The following MOGAT3 variants were observed in gnomAD, a reference collection of about 807,000 sequenced individuals.
MOGAT3 encodes monoacylglycerol O-acyltransferase 3, also known as 2-acylglycerol O-acyltransferase 3.
A neutral mutation model predicts 34.4 loss-of-function variants in MOGAT3; 39 were observed. The observed-to-expected ratio is 1.13, with a 90% CI of 0.88 to 1.48. The LOEUF (loss-of-function observed/expected upper bound fraction) is 1.48, where lower values mean the gene tolerates loss of function less well. Among genes scored for constraint, MOGAT3 ranks in the 40% most tolerant of loss-of-function variants. MOGAT3 has a pLI of 0.00. For missense variants in MOGAT3, 439 were observed against 438.9 expected (o/e 1.00, Z 0.00); for synonymous variants, 209 against 179.2 (o/e 1.17, Z -1.33).
rs373904240 is a variant in MOGAT3 at position 101,198,730 on chromosome 7, T to C, written c.389A>G (p.Glu130Gly). The C allele has an allele frequency of 6.2e-7, 1 of 1,613,718 alleles. No homozygotes were observed. The highest frequency in any genetic ancestry group is 8.5e-7 in the Non-Finnish European group (1 of 1,180,010). Reference sequence around the variant, plus strand: ...GAAGAGCTGGGAGAAGCCATTGCTCTCGGTGGAGAAATTACAGAGGAAGCC... The same window carrying C: ...GAAGAGCTGGGAGAAGCCATTGCTCCCGGTGGAGAAATTACAGAGGAAGCC... ...CTGFLCNFST[E>G]SNGFSQLFPG... The change falls in exon 4 of 7, where the codon GAG (glutamate) becomes GGG (glycine). Residue 130 changes from glutamate to glycine, a missense_variant. By Grantham distance (98) the Glu-to-Gly change is moderately conservative. Coordinates refer to ENST00000223114, the MANE Select transcript of MOGAT3 (RefSeq NM_178176.4).
downstream of MOGAT3, among the ~76,000 whole-genome samples, chr7:101,194,025 G>A (rs1288119235): frequency 2.0e-5 from 3 of 151,462 alleles, no homozygotes; most frequent in Admixed American, 6.6e-5. Context: ...GACGGGTCTC[G>A]CTTCGTTACC....
intron 5 of MOGAT3, 63 bp downstream of exon 5, chr7:101,198,128 G>T: frequency 6.5e-7 from 1 of 1,540,320 alleles, no homozygotes; most frequent in South Asian, 1.2e-5. Context: ...CTAGATGTCT[G>T]GGGACTGAGA....
Position 101,200,738 on chromosome 7 carries a change from G to A in MOGAT3, c.109+8C>T, listed in dbSNP as rs1463643853. 1.2e-6 allele frequency: 2 copies of A among 1,611,028 alleles called. No individual in the cohort carries two copies. The highest frequency in any genetic ancestry group is 2.2e-5 in the East Asian group (1 of 44,866). ...GACCCCAGGCACCCACGCCTCCCCA[G>A]CTCTCACCCATGAAGAGGAAAGTGA... On this transcript the variant is annotated splice_region_variant and intron_variant, in intron 1 of 6. Coordinates refer to ENST00000223114, the MANE Select transcript of MOGAT3 (RefSeq NM_178176.4).
chr7:101,194,262 A>G (rs1262714326), downstream of MOGAT3, among the ~76,000 whole-genome samples: 2 of 151,580 alleles, frequency 1.3e-5, no homozygotes, highest in African/African-American at 4.9e-5. Context: ...ATCTTGGCTC[A>G]ACACAACCTC....
At position 101,200,728 on chromosome 7, in the gene MOGAT3, C is replaced by A. The variant is rs368413360; in HGVS notation, c.109+18G>T. On this transcript the variant is annotated intron_variant, in intron 1 of 6. Coordinates refer to ENST00000223114, the MANE Select transcript of MOGAT3 (RefSeq NM_178176.4). ...TCCCCTGGCAGACCCCAGGCACCCA[C>A]GCCTCCCCAGCTCTCACCCATGAAG... The A allele has an allele frequency of 6.2e-7, 1 of 1,605,714 alleles. No individual in the cohort carries two copies. Among genetic ancestry groups the A allele is most frequent in the Non-Finnish European group, 8.5e-7 (1 of 1,173,422 alleles).
intron 3 of MOGAT3, 38 bp downstream of exon 3, chr7:101,200,196 G>A (rs1797915091): frequency 6.4e-7 from 1 of 1,559,816 alleles, no homozygotes; most frequent in African/African-American, 1.4e-5. Flanking sequence ...GAGATGGGGA[G>A]AGGTAGGAAG....
intron 6 of MOGAT3, 43 bp downstream of exon 6, chr7:101,196,144 C>T (rs760186805): frequency 6.3e-7 from 1 of 1,577,702 alleles, no homozygotes; most frequent in Non-Finnish European, 8.6e-7. Flanking sequence ...CCCTGATGCC[C>T]ACGCAGCTGC....
Position 101,198,732 on chromosome 7 carries a change from G to A in MOGAT3, c.387C>T (p.Thr129=). 2 of 1,613,894 alleles carry A rather than the reference G, an allele frequency of 1.2e-6. No homozygotes were observed. Among genetic ancestry groups the A allele is most frequent in the Admixed American group, 1.7e-5 (1 of 60,008 alleles). Residue 129 remains threonine (T), a synonymous_variant, in exon 4 of 7, where the codon ACC becomes ACT. Transcript: ENST00000223114. ...AGAGCTGGGAGAAGCCATTGCTCTC[G>A]GTGGAGAAATTACAGAGGAAGCCTG... ...MCTGFLCNFS[T]ESNGFSQLFP... is the part of the protein sequence containing the mutation.
intron 1 of MOGAT3, 110 bp downstream of exon 1, chr7:101,200,636 C>G: frequency 7.9e-7 from 1 of 1,267,294 alleles, no homozygotes; most frequent in Non-Finnish European, 1.1e-6. Context: ...TCTCCCAGAC[C>G]AGTCACCTGG....
In MOGAT3 at chr7:101,200,399, G is replaced by T. The variant is rs560898343; in HGVS notation, c.217+9C>A. ...TCTCTGGCTACCTGGGCCCCCATCC[G>T]GAGCTCACCTTGGTTGGGTGTGTCC... is the stretch of plus-strand genomic sequence containing the variant. On this transcript the variant is annotated intron_variant, in intron 2 of 6. Coordinates refer to ENST00000223114, the MANE Select transcript of MOGAT3 (RefSeq NM_178176.4). 4.3e-6 allele frequency: 7 copies of T among 1,611,448 alleles called. No homozygotes were observed. In the East Asian group the frequency reaches 1.6e-4, roughly 36 times the overall value.
Position 101,195,376 on chromosome 7 carries a change from G to C in MOGAT3, c.*570C>G, listed in dbSNP as rs943295693. On this transcript the variant is annotated 3_prime_UTR_variant, in exon 7 of 7. Coordinates refer to ENST00000223114, the MANE Select transcript of MOGAT3 (RefSeq NM_178176.4). Reference sequence around the variant, plus strand: ...ATTATAGGCATGAGCCACCATGCCCGGCTAATTTTTGTAGTTTTAGTAGAG... The same window carrying C: ...ATTATAGGCATGAGCCACCATGCCCCGCTAATTTTTGTAGTTTTAGTAGAG... 6.6e-6 allele frequency: 1 copy of C among 152,472 alleles called. No individual in the cohort carries two copies. The highest frequency in any genetic ancestry group is 6.5e-5 in the Admixed American group (1 of 15,366). The allele number at this position is 152,472 out of a possible 1,614,324, so 9.4% of individuals were successfully genotyped here. A position where few individuals can be genotyped will look rare whatever the true frequency, so the allele number is the denominator to read the frequency against.
downstream of MOGAT3, among the ~76,000 whole-genome samples, chr7:101,192,900 C>T (rs1330081066): frequency 6.6e-6 from 1 of 151,800 alleles, no homozygotes; most frequent in African/African-American, 2.4e-5. Context: ...GGTGAAACCC[C>T]ATCTCTACTA....
rs1173685660 is a variant in MOGAT3 at position 101,195,907 on chromosome 7, C to T, written c.*39G>A. 2.5e-6 allele frequency: 4 copies of T among 1,611,540 alleles called. No homozygotes were observed. Among genetic ancestry groups the T allele is most frequent in the Admixed American group, 3.3e-5 (2 of 59,902 alleles). On this transcript the variant is annotated 3_prime_UTR_variant, in exon 7 of 7. Transcript: ENST00000223114. The stretch of plus-strand genomic sequence containing the variant: ...TCCACAGTGGGTGGAGGTCTCAGTG[C>T]CTTGGGCTCAGGGGCTCAGCGAAAG...
chr7:101,198,621 C>T lies in MOGAT3; in HGVS notation c.493+5G>A. On this transcript the variant is annotated splice_donor_5th_base_variant and intron_variant, in intron 4 of 6. Coordinates refer to ENST00000223114, the MANE Select transcript of MOGAT3 (RefSeq NM_178176.4). ...CTCCCGTTCTCCTCCTCCCATTCGG[C>T]TCACCAAAGGACATGATGTAGTCGC... 5 of 1,612,290 alleles carry T rather than the reference C, an allele frequency of 3.1e-6. No homozygotes were observed. Among genetic ancestry groups the T allele is most frequent in the Non-Finnish European group, 4.2e-6 (5 of 1,179,848 alleles).
At chr7:101,194,962 T>G (rs1170365811), downstream of MOGAT3, 1 of 152,408 alleles carries the variant, frequency 6.6e-6, no homozygotes, top group Non-Finnish European at 1.5e-5. Flanking sequence ...AGCCTGCCTC[T>G]CCACGCATCC....
At chr7:101,199,338 G>A (rs1298566425) in intron 3 of MOGAT3, among the ~76,000 whole-genome samples, 1 of 151,168 alleles carries the variant, frequency 6.6e-6, no homozygotes, top group Non-Finnish European at 1.5e-5. Context: ...TTGAGGCAGA[G>A]TTTTGCTCCT....
At position 101,198,365 on chromosome 7, in the gene MOGAT3, C is replaced by G. The variant is rs146236497; in HGVS notation, c.494G>C (p.Gly165Ala). 2.1e-5 allele frequency: 32 copies of G among 1,539,938 alleles called. No individual in the cohort carries two copies. Among genetic ancestry groups the G allele is most frequent in the Non-Finnish European group, 2.7e-5 (31 of 1,142,134 alleles). ...PVYRDYIMSF[G>A]LCPVSRQSLD... Reference sequence around the variant, plus strand: ...GCTCTGGCGGCTCACCGGACAGAGTCCTGTGGGCAGGAGGAGGTGGAAAGT... The same window carrying G: ...GCTCTGGCGGCTCACCGGACAGAGTGCTGTGGGCAGGAGGAGGTGGAAAGT... Residue 165 changes from glycine (G) to alanine (A), a missense_variant and splice_region_variant, in exon 5 of 7, where the codon GGA (glycine) becomes GCA (alanine). Gly to Ala is a moderately conservative substitution (Grantham distance 60). Transcript: ENST00000223114.
chr7:101,198,469 G>A (rs1321340218), intron 4 of MOGAT3, 104 bp from the exon 5 acceptor site: 1 of 1,377,870 alleles, frequency 7.3e-7, no homozygotes, highest in Non-Finnish European at 9.7e-7. Flanking sequence ...TCTCCAAGGC[G>A]GGGAACCTAC....
chr7:101,193,233 T>C (rs1486142240), downstream of MOGAT3, among the ~76,000 whole-genome samples: 1 of 152,048 alleles, frequency 6.6e-6, no homozygotes, highest in Non-Finnish European at 1.5e-5. Flanking sequence ...GGATGACAGA[T>C]GCATACTACC....
Sources: allele counts gnomAD v4.1 joint callset (sites outside exome capture counted in the v4.1 genomes callset), GRCh38; gene constraint gnomAD v4.1.1; transcripts MANE v1.5; gene names NCBI Gene and HGNC (gene_info 2026-07-23, HGNC 2026-07-21).